CUL9: variants seen among roughly 807,000 people sequenced by gnomAD.
CUL9 encodes the protein cullin 9.
A neutral mutation model predicts 272.6 loss-of-function variants in CUL9; 79 were observed. That is an observed-to-expected ratio of 0.29 (90% CI 0.24 to 0.35). The LOEUF (loss-of-function observed/expected upper bound fraction) is 0.35. Ranked by LOEUF, CUL9 falls within the 10% of genes least tolerant of loss-of-function variation. The pLI is 1.00. For synonymous variants in CUL9, 1,186 were observed against 1,286.5 expected (o/e 0.92, Z 1.67); for missense variants, 2,532 against 3,255.6 (o/e 0.78, Z 5.41).
intron 8 of CUL9, among the ~76,000 whole-genome samples, chr6:43,192,536 C>T (rs896502986): frequency 1.3e-5 from 2 of 152,106 alleles, no homozygotes; most frequent in African/African-American, 2.4e-5. Context: ...ATTAGCTGGG[C>T]GTGGTAGCAC....
chr6:43,208,610 ATTCT>A (rs1315868556), intron 26 of CUL9, among the ~76,000 whole-genome samples: 1 of 152,226 alleles, frequency 6.6e-6, no homozygotes, highest in African/African-American at 2.4e-5. Flanking sequence ...ATGAAGTGAC[ATTCT>A]TTCTTTCTAA....
At chr6:43,201,020 C>T (rs771766847) in intron 16 of CUL9, among the ~76,000 whole-genome samples, 186 bp downstream of exon 16, 4 of 152,254 alleles carry the variant, frequency 2.6e-5, no homozygotes, top group Non-Finnish European at 5.9e-5. Context: ...CTCCCAGAGT[C>T]TGGTGATCTG....
At position 43,206,055 on chromosome 6, in the gene CUL9, G is replaced by A. The variant is rs1775020497; in HGVS notation, c.4842G>A (p.Glu1614=). ...TGAGCTTTGGTTCGAGCTGGCTGGA[G>A]GGGGCTGTGCTAGAGCAGATTGGCC... ...RLLSFGSSWL[E]GAVLEQIGLC... The change falls in exon 25 of 41, where the codon GAG becomes GAA. Residue 1614 remains glutamate, a synonymous_variant. Coordinates refer to ENST00000252050, the MANE Select transcript of CUL9 (RefSeq NM_015089.4). This position sits in a 1 kb window ranked among gnomAD's most constrained non-coding sequence, Gnocchi z 4.8. 2 of 1,614,160 alleles carry A rather than the reference G, an allele frequency of 1.2e-6. No individual in the cohort carries two copies. Among genetic ancestry groups the A allele is most frequent in the Non-Finnish European group, 1.7e-6 (2 of 1,180,004 alleles).
rs979857576 is a variant in CUL9 at position 43,182,658 on chromosome 6, C to A, written c.-10+409C>A. On this transcript the variant is annotated intron_variant, in intron 1 of 40. Coordinates refer to ENST00000252050, the MANE Select transcript of CUL9 (RefSeq NM_015089.4). ...GGCACATCGCTGGCTACCATCCAGG[C>A]TTGCCCCCCATCCTAAGTGGACCCC... 6.6e-5 allele frequency among the ~76,000 whole-genome samples: 10 copies of A among 152,208 alleles called. No individual in the cohort carries two copies. In the Middle Eastern group the frequency reaches 0.01, roughly 155 times the overall value.
intron 20 of CUL9, 35 bp from the exon 21 acceptor site, chr6:43,204,325 C>G: frequency 6.2e-7 from 1 of 1,607,720 alleles, no homozygotes; most frequent in Non-Finnish European, 8.5e-7. Flanking sequence ...CTCCCATCTC[C>G]CATGGAGACC....
rs1051574780 is a variant in CUL9, at chr6:43,182,242, G to A, written c.-17G>A. On this transcript the variant is annotated 5_prime_UTR_variant, in exon 1 of 41. Coordinates refer to ENST00000252050, the MANE Select transcript of CUL9 (RefSeq NM_015089.4). ...GGTCCCAGCGAGGGCTGAGCCGGGC[G>A]GTGGGAGGTGAGAGGAGAGTTCTGC... is the stretch of plus-strand genomic sequence containing the variant. 1 of 152,434 alleles carries A rather than the reference G, an allele frequency of 6.6e-6. No homozygotes were observed. The highest frequency in any genetic ancestry group is 6.5e-5 in the Admixed American group (1 of 15,296). The allele number at this position is 152,434 out of a possible 1,614,324, so 9.4% of individuals were successfully genotyped here.
rs1034521324 is a variant in CUL9, at chr6:43,218,502, C to T, written c.6283-1957C>T. ...AAGTGCTGGAATTACAGGCGTGAGC[C>T]ACTGCGCCCGGCCCTACATTTTTTA... On this transcript the variant is annotated intron_variant, in intron 31 of 40. Coordinates refer to ENST00000252050, the MANE Select transcript of CUL9 (RefSeq NM_015089.4). The surrounding 1 kb of genome is among the most constrained non-coding windows in gnomAD (Gnocchi z 4.4). Among the ~76,000 whole-genome samples, 1 of 152,238 alleles carries T rather than the reference C, an allele frequency of 6.6e-6. No homozygotes were observed. The highest frequency in any genetic ancestry group is 6.5e-5 in the Admixed American group (1 of 15,290).
intron 4 of CUL9, 47 bp from the exon 5 acceptor site, chr6:43,186,913 G>A (rs373324415): frequency 1.2e-6 from 2 of 1,602,076 alleles, no homozygotes; most frequent in African/African-American, 1.3e-5. Flanking sequence ...AGGCTCAGAG[G>A]GTTGAGCCTT....
In CUL9 at chr6:43,200,073, C is replaced by G. The variant is rs764166666; in HGVS notation, c.3301C>G (p.Leu1101Val). ...AGCTCAGCTGCTGCTGGGCTGTGAG[C>G]TTCGGGACCTGGTGACAGAGTGTGA... ...HSAQLLLGCE[L>V]RDLVTECEKY... Residue 1101 changes from leucine to valine, a missense_variant, in exon 14 of 41, where the codon CTT becomes GTT. This residue lies in a region of CUL9 where 2,218 missense variants were observed against 2,788.6 expected (regional missense o/e 0.80). Transcript: ENST00000252050. The surrounding 1 kb of genome is among the most constrained non-coding windows in gnomAD (Gnocchi z 4.0). The G allele has an allele frequency of 1.9e-6, 3 of 1,614,230 alleles. No individual in the cohort carries two copies. The East Asian group carries it at 6.7e-5, about 36-fold the overall frequency.
intron 36 of CUL9, 43 bp downstream of exon 36, chr6:43,222,433 G>C: frequency 7.9e-7 from 1 of 1,268,090 alleles, no homozygotes; most frequent in Non-Finnish European, 1.1e-6. Context: ...GCAGAAGCAG[G>C]TTGGGGTGGT....
chr6:43,207,950 C>G (rs1399982815), intron 26 of CUL9, among the ~76,000 whole-genome samples: 3 of 152,184 alleles, frequency 2.0e-5, no homozygotes, highest in Admixed American at 6.5e-5. Context: ...GAGAGGTGTG[C>G]TAAAATCTAC....
At chr6:43,182,597 C>A (rs999893184) in intron 1 of CUL9, among the ~76,000 whole-genome samples, 5 of 151,450 alleles carry the variant, frequency 3.3e-5, no homozygotes, top group Non-Finnish European at 7.4e-5. Flanking sequence ...CTATCCGATT[C>A]TTTTACTTCC....
intron 29 of CUL9, 63 bp from the exon 30 acceptor site, chr6:43,215,015 CA>C: frequency 6.6e-7 from 1 of 1,511,930 alleles, no homozygotes; most frequent in Non-Finnish European, 8.9e-7. Flanking sequence ...CAGAGCTGGG[CA>C]TTGAGCCCAG....
rs1399218436 is a variant in CUL9 at position 43,224,519 on chromosome 6, T to C, written c.*74T>C. On this transcript the variant is annotated 3_prime_UTR_variant, in exon 41 of 41. Coordinates refer to ENST00000252050, the MANE Select transcript of CUL9 (RefSeq NM_015089.4). The surrounding 1 kb of genome is among the most constrained non-coding windows in gnomAD (Gnocchi z 4.2). ...GAGGGGGCGGGAGCTGCCCCTGTCATAGGGAGGGGGATTCCCAGCGTCTGT... is the reference window on the plus strand; with the variant it reads ...GAGGGGGCGGGAGCTGCCCCTGTCACAGGGAGGGGGATTCCCAGCGTCTGT... 5.0e-6 allele frequency: 7 copies of C among 1,389,618 alleles called. No homozygotes were observed. Among genetic ancestry groups the C allele is most frequent in the African/African-American group, 4.3e-5 (3 of 69,212 alleles). 86.1% of individuals were successfully genotyped at this position (1,389,618 alleles called of 1,614,324 possible).
rs143395829 is a variant in CUL9 at position 43,184,547 on chromosome 6, G to C, written c.237G>C (p.Leu79=). The C allele has an allele frequency of 1.7e-4, 282 of 1,612,966 alleles. 1 individual carries two copies. The African/African-American group carries it at 2.8e-3, about 16-fold the overall frequency. ...APEVYANCPG[L]LGERALSKGL... ...AGGTCTACGCCAACTGCCCTGGGCT[G>C]TTAGGTGAGCGGGCACTATCTAAGG... The change falls in exon 2 of 41, where the codon CTG becomes CTC. Residue 79 remains leucine (L), a synonymous_variant. Transcript: ENST00000252050. The surrounding 1 kb of genome is among the most constrained non-coding windows in gnomAD (Gnocchi z 4.8).
Position 43,184,809 on chromosome 6 carries a change from G to A in CUL9, c.499G>A (p.Ala167Thr). ...PLTGVFRETG[A>T]LDLLMHMLCN... ...CACTGGTGTCTTCAGGGAGACAGGAGCCCTGGACCTGCTCATGCACATGTT... is the reference window on the plus strand; with the variant it reads ...CACTGGTGTCTTCAGGGAGACAGGAACCCTGGACCTGCTCATGCACATGTT... The change falls in exon 2 of 41, where the codon GCC becomes ACC. Residue 167 changes from alanine to threonine, a missense_variant. This residue lies in a region of CUL9 where 2,218 missense variants were observed against 2,788.6 expected (regional missense o/e 0.80). Transcript: ENST00000252050. The surrounding 1 kb of genome is among the most constrained non-coding windows in gnomAD (Gnocchi z 4.8). 6.2e-7 allele frequency: 1 copy of A among 1,613,690 alleles called. No homozygotes were observed. The highest frequency in any genetic ancestry group is 8.5e-7 in the Non-Finnish European group (1 of 1,180,034).
In CUL9 at chr6:43,200,601, C is replaced by T; in HGVS notation, c.3476-62C>T. 2 of 1,613,490 alleles carry T rather than the reference C, an allele frequency of 1.2e-6. No homozygotes were observed. The highest frequency in any genetic ancestry group is 1.1e-5 in the South Asian group (1 of 91,030). Reference sequence around the variant, plus strand: ...CCCCTTCCCTTCCTGCTCCTTAGACCTTTTCCTTTTTCCTCTCAACTAACC... The same window carrying T: ...CCCCTTCCCTTCCTGCTCCTTAGACTTTTTCCTTTTTCCTCTCAACTAACC... On this transcript the variant is annotated intron_variant, in intron 15 of 40. Transcript: ENST00000252050. The surrounding 1 kb of genome is among the most constrained non-coding windows in gnomAD (Gnocchi z 4.0).
chr6:43,182,560 G>A (rs889905137), intron 1 of CUL9, among the ~76,000 whole-genome samples: 3 of 151,764 alleles, frequency 2.0e-5, no homozygotes, highest in African/African-American at 7.3e-5. Context: ...TGCTCTTCTA[G>A]GCCGACGTTA....
chr6:43,200,517 C>G lies in CUL9; in HGVS notation c.3466C>G (p.Leu1156Val). 6.2e-7 allele frequency: 1 copy of G among 1,614,226 alleles called. No individual in the cohort carries two copies. The highest frequency in any genetic ancestry group is 1.1e-5 in the South Asian group (1 of 91,084). The change falls in exon 15 of 41, where the codon CTC (leucine) becomes GTC (valine). Residue 1156 changes from leucine to valine, a missense_variant. Leu to Val is a conservative substitution (Grantham distance 32). Coordinates refer to ENST00000252050, the MANE Select transcript of CUL9 (RefSeq NM_015089.4). The surrounding 1 kb of genome is among the most constrained non-coding windows in gnomAD (Gnocchi z 4.0). The stretch of plus-strand genomic sequence containing the variant: ...CTTCTTTGATGTGTTCCTCAGGCAT[C>G]TCTGCCAGGGTTAGTGCCCTCATCT... The part of the protein sequence containing the change: ...IPFFDVFLRH[L>V]CQGSSVEVKE...
Sources: gnomAD v4.1 joint callset for allele counts (sites outside exome capture counted in the v4.1 genomes callset) on GRCh38, gnomAD v4.1.1 for gene constraint, gnomAD v4.1.1 regional missense constraint, Gnocchi (gnomAD v3.1) non-coding constraint, MANE v1.5 for transcripts, NCBI Gene and HGNC (gene_info 2026-07-23, HGNC 2026-07-21) for gene names.